CACNA1C: variants seen among roughly 807,000 people sequenced by gnomAD.
CACNA1C encodes the protein voltage-dependent L-type calcium channel subunit alpha-1C.
CACNA1C carries 30 observed loss-of-function variants against 229.0 expected under a neutral mutation model. The observed-to-expected ratio is 0.13, with a 90% CI of 0.10 to 0.18. CACNA1C has a LOEUF of 0.18. CACNA1C is among the 10% of genes least tolerant of loss of function. The pLI is 1.00. For missense variants in CACNA1C, 1,658 were observed against 2,845.0 expected, an observed-to-expected ratio of 0.58 and a Z score of 9.49; for synonymous variants, 1,114 against 1,132.5, an observed-to-expected ratio of 0.98 and a Z score of 0.33.
chr12:2,589,915 G>T (rs539035965), intron 18 of CACNA1C, among the ~76,000 whole-genome samples: 19 of 152,290 alleles, frequency 1.2e-4, no homozygotes, highest in Admixed American at 3.3e-4. Context: ...AATGTAGGGT[G>T]ATTCTGAGGT....
rs2096879012 is a variant in CACNA1C at position 2,677,410 on chromosome 12, C to G, written c.4956+189C>G. ...GTGATGTGCCCTTCCCTACCTGCCACCCACCGACTGCCCTCCATGGTTCTG... is the reference window on the plus strand; with the variant it reads ...GTGATGTGCCCTTCCCTACCTGCCAGCCACCGACTGCCCTCCATGGTTCTG... On this transcript the variant is annotated intron_variant, in intron 40 of 46. Transcript: ENST00000399655. This position sits in a 1 kb window ranked among gnomAD's most constrained non-coding sequence, Gnocchi z 7.4. 1 of 649,432 alleles carries G rather than the reference C, an allele frequency of 1.5e-6. No individual in the cohort carries two copies. The allele number at this position is 649,432 out of a possible 1,614,324, so 40.2% of individuals were successfully genotyped here.
At chr12:2,473,812 T>G (rs1301363711) in intron 5 of CACNA1C, among the ~76,000 whole-genome samples, 5 of 152,220 alleles carry the variant, frequency 3.3e-5, no homozygotes, top group African/African-American at 1.2e-4. Context: ...ATAGAAAATT[T>G]GGTTAGTGCC....
intron 29 of CACNA1C, among the ~76,000 whole-genome samples, chr12:2,626,950 A>C (rs1286371302): frequency 6.6e-6 from 1 of 152,200 alleles, no homozygotes; most frequent in African/African-American, 2.4e-5. Flanking sequence ...TGTCCTGGGG[A>C]GGATAAGCCT....
intron 3 of CACNA1C, among the ~76,000 whole-genome samples, chr12:2,266,304 C>T (rs1440904658): frequency 6.6e-6 from 1 of 152,204 alleles, no homozygotes; most frequent in East Asian, 1.9e-4. Flanking sequence ...TTTGATGGAG[C>T]TCCTAGTGGG....
At chr12:2,207,210 C>T (rs1566394781) in intron 3 of CACNA1C, among the ~76,000 whole-genome samples, 2 of 152,128 alleles carry the variant, frequency 1.3e-5, no homozygotes, top group Admixed American at 6.5e-5. Flanking sequence ...GCTGCTTTCC[C>T]GACCCATGAC....
Position 2,354,144 on chromosome 12 carries a change from G to A in CACNA1C, c.478-94832G>A, listed in dbSNP as rs1229892325. Reference sequence around the variant, plus strand: ...GAGTGGGGGCTGTCGGGAAGGACTGGATGGAGTCTGTTTTTCCAGAACCCC... The same window carrying A: ...GAGTGGGGGCTGTCGGGAAGGACTGAATGGAGTCTGTTTTTCCAGAACCCC... On this transcript the variant is annotated intron_variant, in intron 3 of 46. Transcript: ENST00000399655. The surrounding 1 kb of genome is among the most constrained non-coding windows in gnomAD (Gnocchi z 4.6). 2.6e-5 allele frequency among the ~76,000 whole-genome samples: 4 copies of A among 152,178 alleles called. No homozygotes were observed. Among genetic ancestry groups the A allele is most frequent in the Non-Finnish European group, 1.5e-5 (1 of 68,012 alleles).
chr12:2,136,220 G>A (rs565281847), intron 3 of CACNA1C, among the ~76,000 whole-genome samples: 67 of 151,492 alleles, frequency 4.4e-4, no homozygotes, highest in African/African-American at 1.0e-3. Flanking sequence ...AGATGAACCC[G>A]GTACCTCAGA....
At chr12:2,688,941 G>A (rs966793784) in intron 46 of CACNA1C, among the ~76,000 whole-genome samples, 162 bp downstream of exon 46, 4 of 152,176 alleles carry the variant, frequency 2.6e-5, no homozygotes, top group Admixed American at 6.5e-5. Context: ...GCTCGTGTGC[G>A]GAAAGCCATG....
At chr12:2,388,928 AGGAGAGATGTG>A (rs2098440712) in intron 3 of CACNA1C, among the ~76,000 whole-genome samples, 2 of 152,172 alleles carry the variant, frequency 1.3e-5, no homozygotes, top group African/African-American at 4.8e-5. Context: ...TGGAAATTTG[AGGAGAGATGTG>A]GGAGAGAAAT....
rs188113397 is a variant in CACNA1C at position 2,277,940 on chromosome 12, C to T, written c.477+157510C>T. Among the ~76,000 whole-genome samples the T allele has an allele frequency of 2.7e-4, 41 of 152,376 alleles. No homozygotes were observed. The East Asian group carries it at 5.6e-3, about 21-fold the overall frequency. On this transcript the variant is annotated intron_variant, in intron 3 of 46. Transcript: ENST00000399655. ...AGAAACTGCCTCCAGTCTCACTCAT[C>T]GTGCTGAGATGGGTTGCATGGCACA...
intron 3 of CACNA1C, among the ~76,000 whole-genome samples, chr12:2,191,831 CACA>C (rs2097232484): frequency 1.4e-5 from 1 of 71,772 alleles, no homozygotes; most frequent in African/African-American, 3.7e-5. Context: ...CACACACATA[CACA>C]GGCACACACA....
intron 3 of CACNA1C, among the ~76,000 whole-genome samples, chr12:2,137,899 C>T (rs1237574570): frequency 6.6e-6 from 1 of 151,296 alleles, no homozygotes; most frequent in Non-Finnish European, 1.5e-5. Flanking sequence ...GCCAGTGGAC[C>T]CTGTCTTTGT....
At chr12:2,680,850 G>A (rs2097110592) in intron 42 of CACNA1C, among the ~76,000 whole-genome samples, 1 of 152,344 alleles carries the variant, frequency 6.6e-6, no homozygotes, top group South Asian at 2.1e-4. Context: ...AGCACTGGGG[G>A]CATCCTTCAA....
intron 3 of CACNA1C, among the ~76,000 whole-genome samples, chr12:2,309,139 A>G (rs1195850648): frequency 6.6e-6 from 1 of 152,220 alleles, no homozygotes; most frequent in Non-Finnish European, 1.5e-5. Context: ...TTCTATATAT[A>G]ATGGAATATT....
chr12:2,595,531 A>G lies in CACNA1C; in HGVS notation c.2664-343A>G, dbSNP rs552718394. 7.9e-5 allele frequency among the ~76,000 whole-genome samples: 12 copies of G among 152,298 alleles called. No individual in the cohort carries two copies. The East Asian group carries it at 2.3e-3, about 29-fold the overall frequency. On this transcript the variant is annotated intron_variant, in intron 19 of 46. Coordinates refer to ENST00000399655, the MANE Select transcript of CACNA1C (RefSeq NM_000719.7). This position sits in a 1 kb window ranked among gnomAD's most constrained non-coding sequence, Gnocchi z 4.1. The stretch of plus-strand genomic sequence containing the variant: ...GTCCTATTGTGCCTTATGCATAAGC[A>G]TAGAGTTGATCTCATAAAGTGATTT...
intron 5 of CACNA1C, among the ~76,000 whole-genome samples, chr12:2,468,830 T>G (rs1451516780): frequency 6.6e-6 from 1 of 152,236 alleles, no homozygotes; most frequent in Non-Finnish European, 1.5e-5. Context: ...ATTTAACCTC[T>G]GACCCTCAGC....
At chr12:2,461,592 C>G (rs765990394) in intron 5 of CACNA1C, among the ~76,000 whole-genome samples, 1 of 152,186 alleles carries the variant, frequency 6.6e-6, no homozygotes, top group Non-Finnish European at 1.5e-5. Context: ...GACTCCGTTC[C>G]TCTCCTGTCT....
chr12:2,648,981 A>G lies in CACNA1C; in HGVS notation c.3945+474A>G, dbSNP rs187888785. 1.8e-3 allele frequency among the ~76,000 whole-genome samples: 273 copies of G among 152,250 alleles called. 2 individuals are homozygous for G. The highest frequency in any genetic ancestry group is 5.9e-3 in the African/African-American group (245 of 41,556). Reference sequence around the variant, plus strand: ...CTGTTAATCAGTGTCTGTGGCTCCTAGCTTCCCTGTGCTTCAAGTGAAAGG... The same window carrying G: ...CTGTTAATCAGTGTCTGTGGCTCCTGGCTTCCCTGTGCTTCAAGTGAAAGG... On this transcript the variant is annotated intron_variant, in intron 31 of 46. Transcript: ENST00000399655.
chr12:2,607,715 C>T (rs974857019), intron 26 of CACNA1C, among the ~76,000 whole-genome samples: 1 of 152,266 alleles, frequency 6.6e-6, no homozygotes, highest in Non-Finnish European at 1.5e-5. Flanking sequence ...TACCAGGCAG[C>T]TTCCCATCAG....
Sources: allele counts gnomAD v4.1 joint callset (sites outside exome capture counted in the v4.1 genomes callset), GRCh38; gene constraint gnomAD v4.1.1; non-coding constraint Gnocchi (gnomAD v3.1); transcripts MANE v1.5; gene names NCBI Gene and HGNC (gene_info 2026-07-23, HGNC 2026-07-21).